The following DMD variants were observed in gnomAD, a reference collection of about 807,000 sequenced individuals.
The protein encoded by DMD is mutant dystrophin.
In DMD, 63 loss-of-function variants were observed where a neutral mutation model predicts 330.1. The ratio of observed to expected loss-of-function variants is 0.19; its 90% CI spans 0.16 to 0.24. The LOEUF (loss-of-function observed/expected upper bound fraction) is 0.24. Ranked by LOEUF, DMD falls within the 10% of genes least tolerant of loss-of-function variation. The probability of loss-of-function intolerance (pLI) is 1.00; values close to 1 mark genes in which losing one functional copy is unlikely to be tolerated. For synonymous variants in DMD, 1,223 were observed against 959.8 expected, an observed-to-expected ratio of 1.27 and a Z score of -5.07; for missense variants, 3,344 against 2,684.1, an observed-to-expected ratio of 1.25 and a Z score of -5.43.
At chrX:31,296,180 T>C (rs1280402399) in intron 62 of DMD, among the ~76,000 whole-genome samples, 1 of 111,074 alleles carries the variant, frequency 9.0e-6, no homozygotes, top group African/African-American at 3.3e-5. Context: ...AGAGAGTAGA[T>C]TCTTGTTGAT....
At chrX:32,821,626 A>T (rs1260602112) in intron 5 of DMD, among the ~76,000 whole-genome samples, 1 of 110,787 alleles carries the variant, frequency 9.0e-6, no homozygotes, top group Non-Finnish European at 1.9e-5. Context: ...AAAAATAAAA[A>T]AATTCAAGTT....
intron 2 of DMD, among the ~76,000 whole-genome samples, chrX:32,959,365 A>G (rs764341531): frequency 1.8e-5 from 2 of 111,241 alleles, no homozygotes; most frequent in Non-Finnish European, 3.8e-5. Flanking sequence ...CTTCTCATCC[A>G]ATTCCGGTTT....
chrX:33,069,480 AG>A (rs202182114), intron 1 of DMD, among the ~76,000 whole-genome samples: 16,141 of 111,176 alleles, frequency 0.15, 1,552 homozygotes, highest in African/African-American at 0.36. Context: ...TCATATACAC[AG>A]AAAACATGCT....
chrX:32,310,455 C>T lies in DMD; in HGVS notation c.5923-179G>A, dbSNP rs6631543. Among the ~76,000 whole-genome samples the T allele has an allele frequency of 0.55, 59,920 of 109,386 alleles. 13,133 individuals carry two copies. The highest frequency in any genetic ancestry group is 0.79 in the South Asian group (2,023 of 2,572). 95.0% of individuals were successfully genotyped at this position (109,386 alleles called of 115,157 possible). A position where few individuals can be genotyped will look rare whatever the true frequency, so the allele number is the denominator to read the frequency against. ...AAACGGTGATTTATTAATTATATAC[C>T]TACTTTTTCCAGAAAGTGTTAAAAG... On this transcript the variant is annotated intron_variant, in intron 41 of 78. Coordinates refer to ENST00000357033, the MANE Select transcript of DMD (RefSeq NM_004006.3).
intron 4 of DMD, among the ~76,000 whole-genome samples, chrX:32,830,742 G>T (rs992527095): frequency 2.7e-5 from 3 of 111,765 alleles, no homozygotes; most frequent in African/African-American, 9.7e-5. Context: ...ATGGGATGCT[G>T]TCTCAGAGTT....
At chrX:31,477,842 G>A (rs2067915370) in intron 59 of DMD, among the ~76,000 whole-genome samples, 1 of 109,300 alleles carries the variant, frequency 9.1e-6, no homozygotes, top group Non-Finnish European at 1.9e-5. Flanking sequence ...TCAGACTTTA[G>A]TACAATCACT....
intron 44 of DMD, among the ~76,000 whole-genome samples, chrX:32,157,858 A>G (rs2096835885): frequency 8.9e-6 from 1 of 111,972 alleles, no homozygotes; most frequent in African/African-American, 3.2e-5. Flanking sequence ...AACATCTTGA[A>G]TGGCAAAAGG....
intron 59 of DMD, among the ~76,000 whole-genome samples, chrX:31,447,893 G>A (rs748524393): frequency 1.1e-4 from 12 of 107,867 alleles, no homozygotes; most frequent in Non-Finnish European, 2.3e-4. Flanking sequence ...TGTAGTACCA[G>A]CTACTCAGGG....
intron 52 of DMD, among the ~76,000 whole-genome samples, chrX:31,711,368 C>T (rs897197000): frequency 1.8e-5 from 2 of 111,983 alleles, no homozygotes; most frequent in African/African-American, 6.5e-5. Flanking sequence ...CGATTTGACA[C>T]CATCTGTATT....
intron 44 of DMD, among the ~76,000 whole-genome samples, chrX:32,085,618 G>GTA (rs202080218): frequency 0.049 from 3,826 of 77,708 alleles, 250 homozygotes; most frequent in African/African-American, 0.15. Flanking sequence ...ATATATATAC[G>GTA]TATATATATA....
At position 31,929,675 on chromosome X, in the gene DMD, A is replaced by G. The variant is rs1338878151; in HGVS notation, c.6833T>C (p.Leu2278Pro). 2 of 1,211,480 alleles carry G rather than the reference A, an allele frequency of 1.7e-6. No homozygotes were observed. Among genetic ancestry groups the G allele is most frequent in the Non-Finnish European group, 2.2e-6 (2 of 895,317 alleles). ...KQLNETGGPV[L>P]VSAPISPEEQ... Reference sequence around the variant, plus strand: ...TTCTGGGCTTATGGGAGCACTTACAAGCACGGGTCCTCCAGTTTCATTTAA... The same window carrying G: ...TTCTGGGCTTATGGGAGCACTTACAGGCACGGGTCCTCCAGTTTCATTTAA... The change falls in exon 47 of 79, where the codon CTT becomes CCT. Residue 2278 changes from leucine (L) to proline (P), a missense_variant. Leu to Pro is a moderately conservative substitution (Grantham distance 98, BLOSUM62 -3). Coordinates refer to ENST00000357033, the MANE Select transcript of DMD (RefSeq NM_004006.3).
intron 44 of DMD, among the ~76,000 whole-genome samples, chrX:32,014,007 G>T (rs896839752): frequency 1.4e-4 from 16 of 112,024 alleles, no homozygotes; most frequent in African/African-American, 5.2e-4. Flanking sequence ...AATGTATATG[G>T]AAATCATAGT....
intron 74 of DMD, among the ~76,000 whole-genome samples, chrX:31,166,517 G>A (rs1417797769): frequency 2.7e-5 from 3 of 111,813 alleles, no homozygotes; most frequent in Non-Finnish European, 5.6e-5. Flanking sequence ...AAGTATGCTC[G>A]TATTTGTCAG....
intron 43 of DMD, among the ~76,000 whole-genome samples, chrX:32,237,338 T>A (rs751614137): frequency 9.0e-6 from 1 of 111,031 alleles, no homozygotes; most frequent in Non-Finnish European, 1.9e-5. Context: ...CACCTCTCAA[T>A]ACATTCGAAT....
intron 1 of DMD, among the ~76,000 whole-genome samples, chrX:33,027,834 G>A (rs1027522529): frequency 8.9e-6 from 1 of 111,998 alleles, no homozygotes; most frequent in Non-Finnish European, 1.9e-5. Context: ...ACAAGTGGTA[G>A]AAAAGAGAAC....
chrX:32,992,676 G>A (rs1190704255), intron 2 of DMD, among the ~76,000 whole-genome samples: 1 of 110,420 alleles, frequency 9.1e-6, no homozygotes, highest in Non-Finnish European at 1.9e-5. Flanking sequence ...GGAGGCCGAT[G>A]GGGGCGGATC....
At chrX:32,292,302 C>CTTTTTTTTTTTTTCTTTTTTTTTTT (rs2097474947) in intron 42 of DMD, among the ~76,000 whole-genome samples, 1 of 62,926 alleles carries the variant, frequency 1.6e-5, no homozygotes, top group Non-Finnish European at 2.7e-5. Context: ...AGGGAATATT[C>CTTTTTTTTTTTTTCTTTTTTTTTTT]TTTTTTTTTT....
At chrX:31,860,142 A>C (rs1015194915) in intron 48 of DMD, among the ~76,000 whole-genome samples, 1 of 112,027 alleles carries the variant, frequency 8.9e-6, no homozygotes, top group Non-Finnish European at 1.9e-5. Context: ...ACGTTCTCTC[A>C]TAACTTCCTT....
chrX:31,777,350 C>T (rs2149258038), intron 50 of DMD, among the ~76,000 whole-genome samples: 1 of 111,603 alleles, frequency 9.0e-6, no homozygotes, highest in Admixed American at 9.5e-5. Flanking sequence ...CCCAACCCCA[C>T]ACACATACAT....
Sources: gnomAD v4.1 joint callset for allele counts (sites outside exome capture counted in the v4.1 genomes callset) on GRCh38, gnomAD v4.1.1 for gene constraint, MANE v1.5 for transcripts, NCBI Gene and HGNC (gene_info 2026-07-23, HGNC 2026-07-21) for gene names.